Variants in TCF12 observed in about 807,000 individuals in gnomAD.
The protein encoded by TCF12 is DNA-binding protein HTF4.
In TCF12, 45 loss-of-function variants were observed where a neutral mutation model predicts 86.0. The observed-to-expected ratio is 0.52, with a 90% confidence interval of 0.41 to 0.67. The LOEUF (loss-of-function observed/expected upper bound fraction) is 0.67, where lower values mean the gene tolerates loss of function less well. Ranked by LOEUF, TCF12 falls within the 30% of genes least tolerant of loss-of-function variation. The pLI is 0.00. For synonymous variants in TCF12, 330 were observed against 299.6 expected, an observed-to-expected ratio of 1.10 and a Z score of -1.05; for missense variants, 881 against 859.9, an observed-to-expected ratio of 1.02 and a Z score of -0.31.
intron 5 of TCF12, among the ~76,000 whole-genome samples, chr15:57,105,434 G>A (rs189746691): frequency 2.0e-3 from 310 of 152,000 alleles, no homozygotes; most frequent in African/African-American, 7.2e-3. Flanking sequence ...TTTTTTAGAC[G>A]GAGTCTCATT....
chr15:57,108,449 GTCAA>G (rs2050275528), intron 5 of TCF12, among the ~76,000 whole-genome samples: 1 of 152,124 alleles, frequency 6.6e-6, no homozygotes, highest in African/African-American at 2.4e-5. Context: ...CTTTTATAAT[GTCAA>G]TCAAATCTGA....
intron 8 of TCF12, among the ~76,000 whole-genome samples, chr15:57,199,079 G>A (rs2057408594): frequency 1.3e-5 from 2 of 152,162 alleles, no homozygotes; most frequent in African/African-American, 4.8e-5. Context: ...TACCTGGAAG[G>A]TTGGCTTGCA....
chr15:57,266,487 C>CTATA (rs1259611874), intron 18 of TCF12, among the ~76,000 whole-genome samples: 1 of 152,140 alleles, frequency 6.6e-6, no homozygotes. Context: ...GCCACAGAGA[C>CTATA]TATATGGCCC....
At position 57,256,057 on chromosome 15, in the gene TCF12, A is replaced by G. The variant is rs563997013; in HGVS notation, c.1467+2589A>G. Reference sequence around the variant, plus strand: ...ACTTTTAGTAGTGGAGATAAGATGTATCTGGCAGGCTTAGCCTCAAAATAT... The same window carrying G: ...ACTTTTAGTAGTGGAGATAAGATGTGTCTGGCAGGCTTAGCCTCAAAATAT... On this transcript the variant is annotated intron_variant, in intron 16 of 20. Transcript: ENST00000333725. 1.6e-3 allele frequency among the ~76,000 whole-genome samples: 247 copies of G among 152,342 alleles called. 1 individual carries two copies. The highest frequency in any genetic ancestry group is 2.4e-3 in the Non-Finnish European group (160 of 68,022).
intron 8 of TCF12, among the ~76,000 whole-genome samples, chr15:57,228,552 T>G (rs1416781612): frequency 6.6e-6 from 1 of 152,040 alleles, no homozygotes; most frequent in African/African-American, 2.4e-5. Context: ...ACTTCAAAAT[T>G]TTTGCGTAAG....
At chr15:57,007,893 C>G in intron 3 of TCF12, among the ~76,000 whole-genome samples, 1 of 93,242 alleles carries the variant, frequency 1.1e-5, no homozygotes. Flanking sequence ...TTCCTTCCTT[C>G]CTTCCTTCCT....
intron 16 of TCF12, among the ~76,000 whole-genome samples, chr15:57,260,659 T>A (rs1264658451): frequency 6.6e-6 from 1 of 152,174 alleles, no homozygotes; most frequent in Non-Finnish European, 1.5e-5. Flanking sequence ...TAGATTTATT[T>A]AATCTTTAGA....
chr15:57,039,553 C>T (rs1256508540), intron 3 of TCF12, among the ~76,000 whole-genome samples: 5 of 151,664 alleles, frequency 3.3e-5, no homozygotes, highest in African/African-American at 1.2e-4. Context: ...TCAGACCCTT[C>T]CTTACCCATG....
chr15:57,107,475 A>T (rs865787362), intron 5 of TCF12, among the ~76,000 whole-genome samples: 1 of 152,214 alleles, frequency 6.6e-6, no homozygotes, highest in Non-Finnish European at 1.5e-5. Context: ...ACTACTCTGT[A>T]TAAAACTTTA....
intron 3 of TCF12, among the ~76,000 whole-genome samples, chr15:57,003,460 A>G (rs1395015795): frequency 3.3e-5 from 5 of 152,212 alleles, no homozygotes; most frequent in Non-Finnish European, 7.3e-5. Context: ...CATGATGCAC[A>G]TTGTAGGTTT....
At chr15:57,214,931 G>A (rs1292447137) in intron 8 of TCF12, among the ~76,000 whole-genome samples, 1 of 152,126 alleles carries the variant, frequency 6.6e-6, no homozygotes, top group African/African-American at 2.4e-5. Context: ...GGGAGTGATT[G>A]TTGAATTAAA....
chr15:57,037,940 C>T (rs2066620043), intron 3 of TCF12, among the ~76,000 whole-genome samples: 1 of 152,052 alleles, frequency 6.6e-6, no homozygotes, highest in South Asian at 2.1e-4. Context: ...GTGAAATAAG[C>T]TATCTTAAAA....
At chr15:56,927,789 A>G (rs2060080308) in intron 3 of TCF12, among the ~76,000 whole-genome samples, 1 of 152,266 alleles carries the variant, frequency 6.6e-6, no homozygotes, top group Non-Finnish European at 1.5e-5. Context: ...GAGATAAATT[A>G]TCAGGCCAGG....
At chr15:57,171,350 T>A (rs2055483639) in intron 6 of TCF12, among the ~76,000 whole-genome samples, 1 of 151,972 alleles carries the variant, frequency 6.6e-6, no homozygotes, top group East Asian at 1.9e-4. Flanking sequence ...AAAACATGTA[T>A]TCCAGACAGT....
chr15:57,130,763 G>A (rs1206251295), intron 5 of TCF12, among the ~76,000 whole-genome samples: 2 of 152,124 alleles, frequency 1.3e-5, no homozygotes, highest in Non-Finnish European at 2.9e-5. Context: ...TGTGCTTGTT[G>A]TGTTACACAC....
intron 5 of TCF12, among the ~76,000 whole-genome samples, chr15:57,107,790 C>G (rs28514688): frequency 0.43 from 65,357 of 151,862 alleles, 14,295 homozygotes; most frequent in East Asian, 0.58. Flanking sequence ...TGCCTGTTGT[C>G]CTAGCTACTC....
intron 4 of TCF12, among the ~76,000 whole-genome samples, chr15:57,070,300 C>T (rs1233619197): frequency 1.3e-5 from 2 of 151,866 alleles, no homozygotes; most frequent in African/African-American, 4.8e-5. Context: ...GGATTCAGTT[C>T]ATTTAAAAAG....
At chr15:56,974,657 G>A (rs1210402529) in intron 3 of TCF12, among the ~76,000 whole-genome samples, 2 of 152,054 alleles carry the variant, frequency 1.3e-5, no homozygotes, top group African/African-American at 4.8e-5. Flanking sequence ...CTAGAGGTTA[G>A]ATACTAGTTT....
rs559510343 is a variant in TCF12, at chr15:57,064,273, C to G, written c.222+450C>G. 2.5e-4 allele frequency among the ~76,000 whole-genome samples: 38 copies of G among 152,280 alleles called. 1 individual carries two copies. In the South Asian group the frequency reaches 7.7e-3, roughly 31 times the overall value. ...TGGAAGCATATCAAAACAGACATAA[C>G]AGATGACATTTCTTAGTTAACAGTT... is the stretch of plus-strand genomic sequence containing the variant. On this transcript the variant is annotated intron_variant, in intron 4 of 20. Transcript: ENST00000333725.
Sources: allele counts gnomAD v4.1 joint callset (sites outside exome capture counted in the v4.1 genomes callset), GRCh38; gene constraint gnomAD v4.1.1; transcripts MANE v1.5; gene names NCBI Gene and HGNC (gene_info 2026-07-23, HGNC 2026-07-21).